CCDC172: variants seen among roughly 807,000 people sequenced by gnomAD.
CCDC172 encodes the protein coiled-coil domain containing 172.
A neutral mutation model predicts 38.0 loss-of-function variants in CCDC172; 30 were observed. The ratio of observed to expected loss-of-function variants is 0.79; its 90% CI spans 0.59 to 1.07. The LOEUF is 1.07. CCDC172 is among the 50% of genes least tolerant of loss of function. The probability of loss-of-function intolerance (pLI) is 0.00; values close to 1 mark genes in which losing one functional copy is unlikely to be tolerated. For missense variants in CCDC172, 297 were observed against 290.1 expected, an observed-to-expected ratio of 1.02 and a Z score of -0.17; for synonymous variants, 78 against 88.3, an observed-to-expected ratio of 0.88 and a Z score of 0.66.
chr10:116,355,303 T>G (rs771194725), intron 5 of CCDC172, among the ~76,000 whole-genome samples: 1 of 152,200 alleles, frequency 6.6e-6, no homozygotes, highest in Non-Finnish European at 1.5e-5. Flanking sequence ...ACACAAATGC[T>G]TATTACGGTG....
In CCDC172 at chr10:116,332,868, C is replaced by A. The variant is rs183319114; in HGVS notation, c.165+7480C>A. Among the ~76,000 whole-genome samples the A allele has an allele frequency of 1.9e-3, 285 of 152,046 alleles. 1 individual carries two copies. Among genetic ancestry groups the A allele is most frequent in the African/African-American group, 6.3e-3 (260 of 41,504 alleles). ...TATTCTCTTTTCTCTGAATTGAATC[C>A]TCAGAAGTCTGGGAAAACTTTGTAT... On this transcript the variant is annotated intron_variant, in intron 3 of 8. Coordinates refer to ENST00000333254, the MANE Select transcript of CCDC172 (RefSeq NM_198515.3).
chr10:116,357,421 C>A lies in CCDC172; in HGVS notation c.490C>A (p.Leu164Ile), dbSNP rs1377427510. 1.3e-6 allele frequency: 2 copies of A among 1,581,588 alleles called. No homozygotes were observed. Among genetic ancestry groups the A allele is most frequent in the Admixed American group, 1.9e-5 (1 of 53,462 alleles). Residue 164 changes from leucine to isoleucine, a missense_variant, in exon 6 of 9, where the codon CTT (leucine) becomes ATT (isoleucine). Leu to Ile is a conservative substitution (Grantham distance 5, BLOSUM62 2). Transcript: ENST00000333254. Reference protein sequence around the residue: ...MEHDSSQLNELQKQKSELIQE... With the variant: ...MEHDSSQLNEIQKQKSELIQE... ...ACATGATAGTAGCCAGTTAAATGAACTTCAAAAACAAAAGAGTGAATTGAT... is the reference window on the plus strand; with the variant it reads ...ACATGATAGTAGCCAGTTAAATGAAATTCAAAAACAAAAGAGTGAATTGAT...
chr10:116,349,897 C>T (rs1036003230), intron 5 of CCDC172, among the ~76,000 whole-genome samples: 1 of 151,962 alleles, frequency 6.6e-6, no homozygotes, highest in African/African-American at 2.4e-5. Context: ...ACATAGATGT[C>T]CAGGGAAAGC....
chr10:116,364,200 G>C (rs1338515782), intron 7 of CCDC172, among the ~76,000 whole-genome samples: 1 of 152,060 alleles, frequency 6.6e-6, no homozygotes, highest in Non-Finnish European at 1.5e-5. Context: ...GTAAGACAAT[G>C]TAATTGAGCT....
At chr10:116,340,666 G>A in intron 3 of CCDC172, 68 bp from the exon 4 acceptor site, 1 of 745,284 alleles carries the variant, frequency 1.3e-6, no homozygotes, top group Non-Finnish European at 2.3e-6. Flanking sequence ...AATCTTCTCT[G>A]TTACCTAAGG....
rs372498142 is a variant in CCDC172, at chr10:116,350,096, A to C, written c.449-7284A>C. Among the ~76,000 whole-genome samples the C allele has an allele frequency of 9.8e-5, 15 of 152,314 alleles. No individual in the cohort carries two copies. The South Asian group carries it at 2.9e-3, about 29-fold the overall frequency. On this transcript the variant is annotated intron_variant, in intron 5 of 8. Coordinates refer to ENST00000333254, the MANE Select transcript of CCDC172 (RefSeq NM_198515.3). ...ATTTAGAGTTAAAGGAGAGGTCATG[A>C]GATCAGAGAGGTGACAGGAATCCAG... is the stretch of plus-strand genomic sequence containing the variant.
intron 3 of CCDC172, among the ~76,000 whole-genome samples, chr10:116,328,654 A>G (rs761869763): frequency 6.6e-6 from 1 of 151,872 alleles, no homozygotes; most frequent in Non-Finnish European, 1.5e-5. Flanking sequence ...ACACCATAAC[A>G]ATAATAAAAG....
At chr10:116,350,274 C>T (rs1057251267) in intron 5 of CCDC172, among the ~76,000 whole-genome samples, 2 of 152,102 alleles carry the variant, frequency 1.3e-5, no homozygotes, top group African/African-American at 2.4e-5. Flanking sequence ...AAAGCAGAAA[C>T]GGAAACCTAG....
chr10:116,325,391 A>G lies in CCDC172; in HGVS notation c.165+3A>G. On this transcript the variant is annotated splice_donor_region_variant and intron_variant, in intron 3 of 8. Coordinates refer to ENST00000333254, the MANE Select transcript of CCDC172 (RefSeq NM_198515.3). ...AGAAAATCAAGCTGGAATCTAAGGT[A>G]TTGAAATGTAAAGCATACTAATTAT... The G allele has an allele frequency of 1.2e-6, 2 of 1,609,672 alleles. No homozygotes were observed. The highest frequency in any genetic ancestry group is 1.7e-6 in the Non-Finnish European group (2 of 1,177,316).
intron 7 of CCDC172, among the ~76,000 whole-genome samples, chr10:116,377,666 G>A (rs1845264158): frequency 6.6e-6 from 1 of 152,064 alleles, no homozygotes; most frequent in Non-Finnish European, 1.5e-5. Flanking sequence ...AATTATGTGT[G>A]TATATTATAA....
Position 116,379,442 on chromosome 10 carries a change from C to A in CCDC172, c.*84C>A. 4.9e-6 allele frequency: 4 copies of A among 820,756 alleles called. No homozygotes were observed. In the South Asian group the frequency reaches 6.4e-5, roughly 13 times the overall value. 50.8% of individuals were successfully genotyped at this position (820,756 alleles called of 1,614,324 possible). Reference sequence around the variant, plus strand: ...TTGTGATAGATATATGAATGGTACCCGTTACAACGGATCCTTGTGGGAAAT... The same window carrying A: ...TTGTGATAGATATATGAATGGTACCAGTTACAACGGATCCTTGTGGGAAAT... On this transcript the variant is annotated 3_prime_UTR_variant, in exon 9 of 9. Coordinates refer to ENST00000333254, the MANE Select transcript of CCDC172 (RefSeq NM_198515.3).
intron 7 of CCDC172, among the ~76,000 whole-genome samples, chr10:116,361,159 A>G (rs1845060129): frequency 6.6e-6 from 1 of 151,548 alleles, no homozygotes; most frequent in South Asian, 2.1e-4. Flanking sequence ...TAATTTTTGT[A>G]TTTTTAGTAG....
chr10:116,325,203 C>T (rs1216264212), intron 2 of CCDC172, 100 bp from the exon 3 acceptor site: 2 of 1,456,034 alleles, frequency 1.4e-6, no homozygotes, highest in Non-Finnish European at 1.9e-6. Context: ...GCTTGCATGC[C>T]ATGCTGAGGG....
intron 5 of CCDC172, among the ~76,000 whole-genome samples, chr10:116,355,864 G>C (rs1207282098): frequency 2.0e-5 from 3 of 152,132 alleles, no homozygotes; most frequent in Admixed American, 6.6e-5. Context: ...AGTTTCTTTG[G>C]TGGGGGGAGT....
chr10:116,363,858 G>T (rs1486927583), intron 7 of CCDC172, among the ~76,000 whole-genome samples: 1 of 151,444 alleles, frequency 6.6e-6, no homozygotes, highest in Admixed American at 6.6e-5. Context: ...TTGAACCCAG[G>T]AGGCAGAGGT....
chr10:116,327,109 A>G (rs10787649), intron 3 of CCDC172, among the ~76,000 whole-genome samples: 50,802 of 152,056 alleles, frequency 0.33, 9,845 homozygotes, highest in Non-Finnish European at 0.44. Context: ...AACTCCTTTA[A>G]TCCTAACAGG....
intron 7 of CCDC172, among the ~76,000 whole-genome samples, chr10:116,370,838 G>A (rs1268568284): frequency 6.6e-6 from 1 of 151,660 alleles, no homozygotes; most frequent in East Asian, 1.9e-4. Flanking sequence ...GATGTCCTAT[G>A]AAAGAAAAAG....
chr10:116,379,381 T>G lies in CCDC172; in HGVS notation c.*23T>G. ...TAACTTACAGAGAATTGATCAGCCA[T>G]CTGAGATTTGATCAGAATATCTGAG... On this transcript the variant is annotated 3_prime_UTR_variant, in exon 9 of 9. Transcript: ENST00000333254. The G allele has an allele frequency of 6.5e-7, 1 of 1,544,296 alleles. No homozygotes were observed. Among genetic ancestry groups the G allele is most frequent in the East Asian group, 2.3e-5 (1 of 42,952 alleles).
chr10:116,362,025 A>G (rs985579126), intron 7 of CCDC172, among the ~76,000 whole-genome samples: 1 of 152,064 alleles, frequency 6.6e-6, no homozygotes, highest in Non-Finnish European at 1.5e-5. Flanking sequence ...CGTCTCTACT[A>G]AAAATACAAA....
Sources: gnomAD v4.1 joint callset for allele counts (sites outside exome capture counted in the v4.1 genomes callset) on GRCh38, gnomAD v4.1.1 for gene constraint, MANE v1.5 for transcripts, NCBI Gene and HGNC (gene_info 2026-07-23, HGNC 2026-07-21) for gene names.